Variants in DYM observed in about 807,000 individuals in gnomAD.
DYM encodes dymeclin, also known as dyggve-Melchior-Clausen syndrome protein.
Under a neutral mutation model 93.1 loss-of-function variants are expected in DYM, and 78 were observed. The observed-to-expected ratio is 0.84, with a 90% CI of 0.70 to 1.01. DYM has a LOEUF of 1.01. DYM is among the 50% of genes least tolerant of loss of function. The pLI is 0.00. For synonymous variants in DYM, 321 were observed against 319.7 expected, an observed-to-expected ratio of 1.00 and a Z score of -0.04; for missense variants, 789 against 845.0, an observed-to-expected ratio of 0.93 and a Z score of 0.82.
At chr18:49,117,936 A>T (rs1599871580) in intron 16 of DYM, among the ~76,000 whole-genome samples, 3 of 148,048 alleles carry the variant, frequency 2.0e-5, no homozygotes, top group Middle Eastern at 7.2e-3. Context: ...CGACCTCGTG[A>T]TCTGCCCATC....
intron 13 of DYM, among the ~76,000 whole-genome samples, chr18:49,214,239 A>T (rs991645762): frequency 2.0e-5 from 3 of 152,204 alleles, no homozygotes; most frequent in Non-Finnish European, 2.9e-5. Context: ...CTTCATCTGT[A>T]TTCAGAGCCA....
intron 2 of DYM, among the ~76,000 whole-genome samples, chr18:49,424,358 T>C (rs1382121158): frequency 6.6e-6 from 1 of 152,110 alleles, no homozygotes; most frequent in Non-Finnish European, 1.5e-5. Flanking sequence ...CCCTTCATGC[T>C]AAAAACTCTC....
intron 1 of DYM, among the ~76,000 whole-genome samples, chr18:49,453,119 A>G (rs1455398450): frequency 7.5e-6 from 1 of 133,948 alleles, no homozygotes; most frequent in Non-Finnish European, 1.6e-5. Context: ...TTGTAAATGC[A>G]CCAATCAGCA....
intron 1 of DYM, among the ~76,000 whole-genome samples, chr18:49,445,805 C>T (rs1368606893): frequency 6.6e-6 from 1 of 151,996 alleles, no homozygotes. Flanking sequence ...ACAGGCCGTT[C>T]AAAGTATTTG....
chr18:49,348,990 T>G (rs2064877812), intron 6 of DYM, among the ~76,000 whole-genome samples: 1 of 149,244 alleles, frequency 6.7e-6, no homozygotes, highest in Non-Finnish European at 1.5e-5. Context: ...GGCAGATGAC[T>G]TGAGCACAGC....
At chr18:49,368,340 T>C (rs1192000311) in intron 5 of DYM, among the ~76,000 whole-genome samples, 1 of 152,124 alleles carries the variant, frequency 6.6e-6, no homozygotes, top group Non-Finnish European at 1.5e-5. Flanking sequence ...ATCACACCTA[T>C]TATATGACCA....
At chr18:49,226,046 G>A (rs775403946) in intron 13 of DYM, among the ~76,000 whole-genome samples, 4 of 152,058 alleles carry the variant, frequency 2.6e-5, no homozygotes, top group Non-Finnish European at 2.9e-5. Context: ...ACAGTTTACA[G>A]AATCTCATTC....
At chr18:49,084,811 G>A (rs998683809) in intron 17 of DYM, among the ~76,000 whole-genome samples, 1 of 152,218 alleles carries the variant, frequency 6.6e-6, no homozygotes, top group East Asian at 1.9e-4. Flanking sequence ...TATAGTGCAT[G>A]GTTTCATTTA....
chr18:49,201,777 G>A (rs111477892), intron 14 of DYM, among the ~76,000 whole-genome samples: 7 of 152,080 alleles, frequency 4.6e-5, no homozygotes, highest in Admixed American at 2.0e-4. Flanking sequence ...TAGTTACTGC[G>A]CAGATAATCC....
chr18:49,452,307 T>C (rs2093240673), intron 1 of DYM, among the ~76,000 whole-genome samples: 1 of 152,124 alleles, frequency 6.6e-6, no homozygotes, highest in Admixed American at 6.5e-5. Flanking sequence ...GCAAGATTTA[T>C]TGCAAAGAGT....
intron 10 of DYM, among the ~76,000 whole-genome samples, chr18:49,277,008 A>C (rs2094860174): frequency 6.6e-6 from 1 of 152,192 alleles, no homozygotes; most frequent in African/African-American, 2.4e-5. Flanking sequence ...ATATGGGGGA[A>C]TGAGACAGAG....
chr18:49,208,176 C>A, intron 14 of DYM, among the ~76,000 whole-genome samples: 1 of 115,580 alleles, frequency 8.7e-6, no homozygotes, highest in African/African-American at 4.0e-5. Flanking sequence ...GAGCAAGACT[C>A]CATCTCAAAA....
At chr18:49,170,531 C>T (rs2088538852) in intron 14 of DYM, among the ~76,000 whole-genome samples, 2 of 152,008 alleles carry the variant, frequency 1.3e-5, no homozygotes, top group Admixed American at 1.3e-4. Context: ...CCTGTAATCC[C>T]AGCGCTTTGG....
At chr18:49,212,225 A>G (rs2092816990) in intron 13 of DYM, among the ~76,000 whole-genome samples, 1 of 152,210 alleles carries the variant, frequency 6.6e-6, no homozygotes, top group African/African-American at 2.4e-5. Flanking sequence ...ATGTAACATG[A>G]TTTTGGTATT....
At chr18:49,139,749 T>C (rs2084248703) in intron 15 of DYM, among the ~76,000 whole-genome samples, 1 of 152,190 alleles carries the variant, frequency 6.6e-6, no homozygotes, top group Admixed American at 6.5e-5. Flanking sequence ...TGCTGGAGCA[T>C]TTTCAGAGTG....
At chr18:49,224,562 G>T (rs1402461466) in intron 13 of DYM, among the ~76,000 whole-genome samples, 1 of 151,992 alleles carries the variant, frequency 6.6e-6, no homozygotes, top group Admixed American at 6.6e-5. Context: ...ATTAGGTGAG[G>T]TCATGAGGGT....
At chr18:49,113,666 G>T (rs2081636083) in intron 16 of DYM, among the ~76,000 whole-genome samples, 1 of 152,154 alleles carries the variant, frequency 6.6e-6, no homozygotes, top group Non-Finnish European at 1.5e-5. Flanking sequence ...TTAACTCTAT[G>T]AAAGAAGAAA....
intron 6 of DYM, among the ~76,000 whole-genome samples, chr18:49,351,452 C>G (rs1352049552): frequency 1.3e-5 from 2 of 151,728 alleles, no homozygotes; most frequent in African/African-American, 4.8e-5. Flanking sequence ...AAAAACTGCC[C>G]ATAGTTGAAG....
chr18:49,050,444 G>A (rs567478078), intron 17 of DYM, among the ~76,000 whole-genome samples: 83 of 152,172 alleles, frequency 5.5e-4, no homozygotes, highest in African/African-American at 2.0e-3. Context: ...AATCTAATGG[G>A]GTAACTAAGA....
Sources: gnomAD v4.1 joint callset for allele counts (sites outside exome capture counted in the v4.1 genomes callset) on GRCh38, gnomAD v4.1.1 for gene constraint, MANE v1.5 for transcripts, NCBI Gene and HGNC (gene_info 2026-07-23, HGNC 2026-07-21) for gene names.